CABYR: variants seen among roughly 807,000 people sequenced by gnomAD.
The protein encoded by CABYR is calcium-binding tyrosine phosphorylation-regulated protein.
In CABYR, 31 loss-of-function variants were observed where a neutral mutation model predicts 36.1. That is an observed-to-expected ratio of 0.86 (90% CI 0.64 to 1.16). CABYR has a LOEUF of 1.16. Among genes scored for constraint, CABYR ranks in the 50% most tolerant of loss-of-function variants. The probability of loss-of-function intolerance (pLI) is 0.00; values close to 1 mark genes in which losing one functional copy is unlikely to be tolerated. For synonymous variants in CABYR, 146 were observed against 160.7 expected (o/e 0.91, Z 0.69); for missense variants, 429 against 455.8 (o/e 0.94, Z 0.53).
chr18:24,143,742 C>A (rs2085387488), intron 3 of CABYR, among the ~76,000 whole-genome samples: 2 of 152,088 alleles, frequency 1.3e-5, no homozygotes, highest in African/African-American at 4.8e-5. Context: ...TGCCTCGTTG[C>A]CCAGGCTAGA....
chr18:24,146,800 A>G (rs2085469621), intron 3 of CABYR, among the ~76,000 whole-genome samples: 1 of 152,222 alleles, frequency 6.6e-6, no homozygotes, highest in Non-Finnish European at 1.5e-5. Flanking sequence ...CAATAATAAG[A>G]CAAATAGGTG....
intron 3 of CABYR, among the ~76,000 whole-genome samples, chr18:24,147,084 G>A (rs2166098): frequency 0.11 from 16,436 of 151,822 alleles, 1,790 homozygotes; most frequent in East Asian, 0.42. Context: ...TTGAGGCCAC[G>A]AGTTTGAGAC....
chr18:24,146,095 G>T (rs1466441601), intron 3 of CABYR, among the ~76,000 whole-genome samples: 1 of 151,640 alleles, frequency 6.6e-6, no homozygotes, highest in East Asian at 1.9e-4. Context: ...ACTAATAAAG[G>T]CTAAAACAAC....
chr18:24,156,864 G>A (rs764659355), intron 4 of CABYR: 18 of 1,614,066 alleles, frequency 1.1e-5, no homozygotes, highest in Non-Finnish European at 1.4e-5. Context: ...CTCTGGGGAA[G>A]CTGCAGAAGC....
intron 4 of CABYR, among the ~76,000 whole-genome samples, chr18:24,157,896 A>G: frequency 6.6e-6 from 1 of 152,160 alleles, no homozygotes; most frequent in Admixed American, 6.5e-5. Context: ...TTCCTTTTGC[A>G]AAAACTCTTT....
At chr18:24,144,717 C>T (rs1219062359) in intron 3 of CABYR, among the ~76,000 whole-genome samples, 1 of 152,200 alleles carries the variant, frequency 6.6e-6, no homozygotes, top group East Asian at 1.9e-4. Flanking sequence ...ACCCCAGACT[C>T]AGCTTACCCC....
chr18:24,143,413 G>A lies in CABYR; in HGVS notation c.199G>A (p.Val67Ile), dbSNP rs931459628. ...DLVKQFHQIK[V>I]EKWSEGTTPQ... ...GGTTAAACAATTTCATCAGATTAAA[G>A]GTAAGTACCACAAGTAGTAATAGTT... Residue 67 changes from valine to isoleucine, a missense_variant and splice_region_variant, in exon 3 of 6, where the codon GTA (valine) becomes ATA (isoleucine). By Grantham distance (29) the Val-to-Ile change is conservative (BLOSUM62 3). Coordinates refer to ENST00000399496, the MANE Select transcript of CABYR (RefSeq NM_153769.3). The A allele has an allele frequency of 6.6e-7, 1 of 1,510,192 alleles. No individual in the cohort carries two copies. Among genetic ancestry groups the A allele is most frequent in the Non-Finnish European group, 9.1e-7 (1 of 1,097,610 alleles). 93.5% of individuals were successfully genotyped at this position (1,510,192 alleles called of 1,614,324 possible).
intron 1 of CABYR, 77 bp from the exon 2 acceptor site, chr18:24,143,014 C>CA: frequency 9.5e-7 from 1 of 1,053,938 alleles, no homozygotes; most frequent in Middle Eastern, 3.3e-4. Context: ...GCCTGGGTGA[C>CA]AGAGTCTCAA....
chr18:24,156,888 A>C (rs749370124), intron 4 of CABYR: 2 of 1,614,136 alleles, frequency 1.2e-6, no homozygotes, highest in Admixed American at 1.7e-5. Context: ...GCACTCAGGT[A>C]CATCTGTAAA....
Position 24,143,219 on chromosome 18 carries a change from G to A in CABYR, c.105G>A (p.Gln35=), listed in dbSNP as rs779561578. The A allele has an allele frequency of 3.7e-6, 6 of 1,613,780 alleles. No individual in the cohort carries two copies. Among genetic ancestry groups the A allele is most frequent in the South Asian group, 1.1e-5 (1 of 91,004 alleles). Residue 35 remains glutamine, a synonymous_variant, in exon 2 of 6, where the codon CAG becomes CAA. Transcript: ENST00000399496. Reference sequence around the variant, plus strand: ...AAACCAACCCATCAAACATCAACCAGTTTGCAGCAGCTTATTTTCAAGAAC... The same window carrying A: ...AAACCAACCCATCAAACATCAACCAATTTGCAGCAGCTTATTTTCAAGAAC... The part of the protein sequence containing the change: ...VLKTNPSNIN[Q]FAAAYFQELT...
intron 3 of CABYR, among the ~76,000 whole-genome samples, chr18:24,149,103 A>G (rs535842955): frequency 6.6e-6 from 1 of 151,648 alleles, no homozygotes; most frequent in East Asian, 1.9e-4. Flanking sequence ...ACCAGATTAG[A>G]TAGATACAGA....
chr18:24,156,587 T>G (rs2085792945), intron 4 of CABYR: 3 of 1,614,234 alleles, frequency 1.9e-6, no homozygotes, highest in Non-Finnish European at 2.5e-6. Context: ...CTGTAGAGTC[T>G]GTAAAACTTG....
At position 24,145,302 on chromosome 18, in the gene CABYR, C is replaced by G. The variant is rs918275966; in HGVS notation, c.199+1889C>G. On this transcript the variant is annotated intron_variant, in intron 3 of 5. Coordinates refer to ENST00000399496, the MANE Select transcript of CABYR (RefSeq NM_153769.3). ...GAGAAGCCAGTATTGGACTTATCCT[C>G]CTATCATAAACAGACATAAAAGCTG... is the stretch of plus-strand genomic sequence containing the variant. 2.0e-5 allele frequency among the ~76,000 whole-genome samples: 3 copies of G among 152,270 alleles called. No homozygotes were observed. In the South Asian group the frequency reaches 6.2e-4, roughly 32 times the overall value.
rs369655712 is a variant in CABYR, at chr18:24,156,519, C to A, written c.541+477C>A. On this transcript the variant is annotated intron_variant, in intron 4 of 5. Coordinates refer to ENST00000399496, the MANE Select transcript of CABYR (RefSeq NM_153769.3). ...GCAGTCAAAAGAAAATGAGCAGTCA[C>A]CACGAGTTAGTCCCAAATCTGTAGT... 8.1e-6 allele frequency: 13 copies of A among 1,614,116 alleles called. No homozygotes were observed. In the African/African-American group the frequency reaches 1.6e-4, roughly 20 times the overall value.
intron 3 of CABYR, among the ~76,000 whole-genome samples, chr18:24,154,711 T>C (rs529431868): frequency 2.8e-4 from 43 of 152,330 alleles, no homozygotes; most frequent in African/African-American, 9.9e-4. Flanking sequence ...AGCAAACAGA[T>C]GTGAAAACTT....
Position 24,156,336 on chromosome 18 carries a change from G to T in CABYR, c.541+294G>T, listed in dbSNP as rs964260254. The T allele has an allele frequency of 8.7e-6, 14 of 1,614,018 alleles. No homozygotes were observed. The African/African-American group carries it at 1.7e-4, about 20-fold the overall frequency. The stretch of plus-strand genomic sequence containing the variant: ...TCCTGCTTATGATCAAGCTCCTGAG[G>T]TCACTTTGCAGGCTGATATTGAGGT... On this transcript the variant is annotated intron_variant, in intron 4 of 5. Transcript: ENST00000399496.
At chr18:24,151,226 G>GA (rs1336041633) in intron 3 of CABYR, among the ~76,000 whole-genome samples, 2 of 152,108 alleles carry the variant, frequency 1.3e-5, no homozygotes, top group African/African-American at 4.8e-5. Context: ...TGGTTTCATG[G>GA]AAAATCAGGA....
chr18:24,157,023 T>G, intron 4 of CABYR: 1 of 1,552,470 alleles, frequency 6.4e-7, no homozygotes, highest in South Asian at 1.1e-5. Flanking sequence ...GTATTTCCAT[T>G]ACAAATTGCA....
intron 4 of CABYR, 56 bp from the exon 5 acceptor site, chr18:24,159,416 C>G: frequency 8.6e-7 from 1 of 1,161,008 alleles, no homozygotes; most frequent in South Asian, 1.3e-5. Context: ...CATTACTATG[C>G]ATAGTGCCTG....
Sources: allele counts gnomAD v4.1 joint callset (sites outside exome capture counted in the v4.1 genomes callset), GRCh38; gene constraint gnomAD v4.1.1; transcripts MANE v1.5; gene names NCBI Gene and HGNC (gene_info 2026-07-23, HGNC 2026-07-21).